GTF2A1L: variants seen among roughly 807,000 people sequenced by gnomAD.
GTF2A1L encodes the protein TFIIA-alpha and beta-like factor.
A neutral mutation model predicts 49.7 loss-of-function variants in GTF2A1L; 48 were observed. The ratio of observed to expected loss-of-function variants is 0.97; its 90% CI spans 0.77 to 1.23. The LOEUF (loss-of-function observed/expected upper bound fraction) is 1.23, where lower values mean the gene tolerates loss of function less well. Among genes scored for constraint, GTF2A1L ranks in the 50% most tolerant of loss-of-function variants. GTF2A1L has a pLI of 0.00. For synonymous variants in GTF2A1L, 246 were observed against 193.5 expected (o/e 1.27, Z -2.25); for missense variants, 736 against 564.8 (o/e 1.30, Z -3.07).
intron 3 of GTF2A1L, among the ~76,000 whole-genome samples, chr2:48,637,992 A>C (rs143653389): frequency 6.6e-6 from 1 of 152,294 alleles, no homozygotes; most frequent in Non-Finnish European, 1.5e-5. Flanking sequence ...GAGATGAATA[A>C]ATTCCTGAAC....
At chr2:48,657,176 G>C (rs1298058370) in intron 6 of GTF2A1L, among the ~76,000 whole-genome samples, 1 of 152,136 alleles carries the variant, frequency 6.6e-6, no homozygotes, top group African/African-American at 2.4e-5. Context: ...TCATGCTGAG[G>C]TTTGGGGTGT....
At chr2:48,677,515 A>T (rs1238408498) in intron 8 of GTF2A1L, among the ~76,000 whole-genome samples, 1 of 152,002 alleles carries the variant, frequency 6.6e-6, no homozygotes, top group African/African-American at 2.4e-5. Flanking sequence ...TAAGTGAGGA[A>T]AAATAAAGGA....
intron 6 of GTF2A1L, among the ~76,000 whole-genome samples, chr2:48,663,024 C>G (rs1678606435): frequency 6.6e-6 from 1 of 151,846 alleles, no homozygotes; most frequent in Non-Finnish European, 1.5e-5. Context: ...ACATAGTTTA[C>G]CTACATAACA....
In GTF2A1L at chr2:48,634,753, C is replaced by T. The variant is rs570077718; in HGVS notation, c.248-7649C>T. ...TCTCTCCTGGCTTGTAAGGTTTCTG[C>T]TGAGAAGTCTGCTTTTAGCCTAAAG... On this transcript the variant is annotated intron_variant, in intron 3 of 8. Coordinates refer to ENST00000403751, the MANE Select transcript of GTF2A1L (RefSeq NM_006872.5). Among the ~76,000 whole-genome samples the T allele has an allele frequency of 1.3e-3, 203 of 152,324 alleles. 1 individual carries two copies. Among genetic ancestry groups the T allele is most frequent in the Non-Finnish European group, 2.6e-3 (180 of 68,028 alleles).
intron 8 of GTF2A1L, 36 bp downstream of exon 8, chr2:48,671,716 A>G (rs775051413): frequency 6.4e-7 from 1 of 1,570,470 alleles, no homozygotes; most frequent in Non-Finnish European, 8.7e-7. Context: ...GGGTTTATTA[A>G]CTGCATTTAT....
intron 6 of GTF2A1L, among the ~76,000 whole-genome samples, chr2:48,652,851 C>T (rs953299305): frequency 4.0e-5 from 6 of 151,214 alleles, no homozygotes; most frequent in African/African-American, 4.9e-5. Context: ...TATGCCACCA[C>T]GCCCAGCTAG....
intron 8 of GTF2A1L, among the ~76,000 whole-genome samples, chr2:48,676,624 G>T (rs533446865): frequency 6.6e-6 from 1 of 151,702 alleles, no homozygotes; most frequent in South Asian, 2.1e-4. Context: ...TGAGCTTTTT[G>T]TTATACACAG....
intron 3 of GTF2A1L, among the ~76,000 whole-genome samples, chr2:48,632,035 G>T (rs1676606746): frequency 6.6e-6 from 1 of 152,014 alleles, no homozygotes; most frequent in African/African-American, 2.4e-5. Context: ...ACTGTTATTA[G>T]TCTTTTTATT....
chr2:48,618,069 G>A (rs1037081514), intron 1 of GTF2A1L, 174 bp downstream of exon 1: 4 of 643,500 alleles, frequency 6.2e-6, no homozygotes, highest in African/African-American at 5.6e-5. Context: ...AGCTGCTGAG[G>A]GCCAGTAGTT....
chr2:48,622,834 A>T (rs1031685925), intron 3 of GTF2A1L, among the ~76,000 whole-genome samples: 2 of 69,040 alleles, frequency 2.9e-5, no homozygotes, highest in African/African-American at 9.2e-5. Context: ...ACTCCATCTT[A>T]AAAAAAAAAA....
chr2:48,672,524 G>A (rs144872021), intron 8 of GTF2A1L, among the ~76,000 whole-genome samples: 2 of 152,310 alleles, frequency 1.3e-5, no homozygotes, highest in East Asian at 3.9e-4. Context: ...GAAGTGCCCA[G>A]AACCCAGACA....
chr2:48,672,598 G>A (rs947790098), intron 8 of GTF2A1L, among the ~76,000 whole-genome samples: 2 of 152,106 alleles, frequency 1.3e-5, no homozygotes, highest in African/African-American at 4.8e-5. Context: ...GTGGGACTTG[G>A]TCATTAGTTG....
At chr2:48,645,809 C>T (rs1021730750) in intron 5 of GTF2A1L, among the ~76,000 whole-genome samples, 4 of 152,096 alleles carry the variant, frequency 2.6e-5, no homozygotes, top group Non-Finnish European at 2.9e-5. Flanking sequence ...CCACCACGCC[C>T]GGCTAATTTT....
intron 6 of GTF2A1L, among the ~76,000 whole-genome samples, chr2:48,654,641 C>G (rs1033873916): frequency 5.9e-5 from 9 of 152,194 alleles, no homozygotes; most frequent in African/African-American, 2.2e-4. Flanking sequence ...GCCTCAGCCT[C>G]TCAAAGTGCT....
intron 1 of GTF2A1L, among the ~76,000 whole-genome samples, chr2:48,618,796 C>G (rs1675809725): frequency 6.6e-6 from 1 of 152,096 alleles, no homozygotes; most frequent in African/African-American, 2.4e-5. Flanking sequence ...TTAAGATGGA[C>G]TAGACATAGT....
At chr2:48,670,234 T>C (rs2104304974) in intron 7 of GTF2A1L, among the ~76,000 whole-genome samples, 1 of 151,390 alleles carries the variant, frequency 6.6e-6, no homozygotes, top group Admixed American at 6.6e-5. Context: ...TCTTTACTAA[T>C]AAAACAAAAA....
intron 3 of GTF2A1L, among the ~76,000 whole-genome samples, chr2:48,623,016 G>T (rs966149862): frequency 6.6e-6 from 1 of 152,022 alleles, no homozygotes; most frequent in Non-Finnish European, 1.5e-5. Flanking sequence ...TAGAATAATA[G>T]AAATAATTAC....
intron 3 of GTF2A1L, among the ~76,000 whole-genome samples, chr2:48,624,692 C>T (rs1676205199): frequency 7.0e-6 from 1 of 143,336 alleles, no homozygotes; most frequent in Non-Finnish European, 1.6e-5. Flanking sequence ...ATCCTTTCAC[C>T]TACATCTTCT....
intron 6 of GTF2A1L, among the ~76,000 whole-genome samples, chr2:48,656,130 C>A (rs1241695999): frequency 1.3e-5 from 2 of 152,102 alleles, no homozygotes; most frequent in Non-Finnish European, 2.9e-5. Context: ...GTGAATAATG[C>A]TGCTGTAAAC....
Sources: allele counts gnomAD v4.1 joint callset (sites outside exome capture counted in the v4.1 genomes callset), GRCh38; gene constraint gnomAD v4.1.1; transcripts MANE v1.5; gene names NCBI Gene and HGNC (gene_info 2026-07-23, HGNC 2026-07-21).